ADIPOR2: variants seen among roughly 807,000 people sequenced by gnomAD.
ADIPOR2 encodes the protein adiponectin receptor 2, also known as adiponectin receptor protein 2.
ADIPOR2 carries 18 observed loss-of-function variants against 40.9 expected under a neutral mutation model. The ratio of observed to expected loss-of-function variants is 0.44; its 90% CI spans 0.30 to 0.65. The LOEUF is 0.65. Among genes scored for constraint, ADIPOR2 ranks in the 30% least tolerant of loss-of-function variants. ADIPOR2 has a pLI of 0.09. For missense variants in ADIPOR2, 283 were observed against 479.2 expected (o/e 0.59, Z 3.82); for synonymous variants, 165 against 166.4 (o/e 0.99, Z 0.06).
chr12:1,715,042 T>C (rs1297292675), intron 1 of ADIPOR2, among the ~76,000 whole-genome samples: 1 of 151,894 alleles, frequency 6.6e-6, no homozygotes, highest in East Asian at 1.9e-4. Flanking sequence ...GTTTTTGTGG[T>C]CCTTTGGAGA....
At chr12:1,692,276 C>A (rs2094628742) in intron 1 of ADIPOR2, among the ~76,000 whole-genome samples, 1 of 152,094 alleles carries the variant, frequency 6.6e-6, no homozygotes, top group Non-Finnish European at 1.5e-5. Flanking sequence ...CTTGTCAGTT[C>A]TGAAAGTTTG....
chr12:1,733,963 ATTCCATGGTG>A (rs761776889), intron 1 of ADIPOR2, among the ~76,000 whole-genome samples: 6 of 152,214 alleles, frequency 3.9e-5, no homozygotes, highest in South Asian at 2.1e-4. Flanking sequence ...GCTGCATAGT[ATTCCATGGTG>A]TATATGTGCC....
chr12:1,713,372 G>A (rs1336058067), intron 1 of ADIPOR2, among the ~76,000 whole-genome samples: 4 of 152,084 alleles, frequency 2.6e-5, no homozygotes, highest in Admixed American at 2.6e-4. Context: ...CTAGAATTGG[G>A]GTGTTGCAGG....
At chr12:1,697,343 CTT>C (rs1471357684) in intron 1 of ADIPOR2, 1 of 152,350 alleles carries the variant, frequency 6.6e-6, no homozygotes, top group African/African-American at 2.4e-5. Flanking sequence ...TTGTAGGTCT[CTT>C]GTCACTTTAT....
intron 1 of ADIPOR2, among the ~76,000 whole-genome samples, chr12:1,730,276 G>A (rs935324594): frequency 2.0e-5 from 3 of 150,502 alleles, no homozygotes; most frequent in Admixed American, 6.6e-5. Context: ...ATTGGTAAGC[G>A]TTTTTTTCTC....
chr12:1,741,508 T>G (rs368590048), intron 1 of ADIPOR2, among the ~76,000 whole-genome samples: 4 of 152,188 alleles, frequency 2.6e-5, no homozygotes, highest in East Asian at 3.8e-4. Context: ...AGTGAACCTA[T>G]AGTGTTAGCA....
chr12:1,778,873 T>C (rs1173294342), intron 4 of ADIPOR2, among the ~76,000 whole-genome samples: 1 of 152,198 alleles, frequency 6.6e-6, no homozygotes, highest in East Asian at 1.9e-4. Flanking sequence ...TGAATAGATG[T>C]TCTTCCAGAG....
Position 1,787,576 on chromosome 12 carries a change from G to T in ADIPOR2, c.*1504G>T, listed in dbSNP as rs1455755902. 6.6e-6 allele frequency: 1 copy of T among 152,190 alleles called. No individual in the cohort carries two copies. Among genetic ancestry groups the T allele is most frequent in the Non-Finnish European group, 1.5e-5 (1 of 68,050 alleles). The allele number at this position is 152,190 out of a possible 1,614,324, so 9.4% of individuals were successfully genotyped here. A position where few individuals can be genotyped will look rare whatever the true frequency, so the allele number is the denominator to read the frequency against. ...GAAAGGATCTGGTTCATGGAATTCT[G>T]ATCTTGGCCCATAGGTGAACCACCA... On this transcript the variant is annotated 3_prime_UTR_variant, in exon 8 of 8. Transcript: ENST00000357103.
intron 2 of ADIPOR2, among the ~76,000 whole-genome samples, chr12:1,767,269 CAAAAAAA>C (rs61401998): frequency 6.9e-5 from 6 of 87,470 alleles, no homozygotes; most frequent in Non-Finnish European, 9.1e-5. Flanking sequence ...AAGACTTCGT[CAAAAAAA>C]AAAAAAAAAA....
At chr12:1,772,077 A>G (rs1181762925) in intron 2 of ADIPOR2, among the ~76,000 whole-genome samples, 1 of 152,240 alleles carries the variant, frequency 6.6e-6, no homozygotes, top group Non-Finnish European at 1.5e-5. Context: ...ATATCATTTT[A>G]TCTAAACCAG....
intron 3 of ADIPOR2, among the ~76,000 whole-genome samples, chr12:1,776,614 T>C (rs1431801171): frequency 6.6e-6 from 1 of 152,156 alleles, no homozygotes; most frequent in African/African-American, 2.4e-5. Flanking sequence ...GTGCAGAGGT[T>C]GACAGACTTC....
intron 2 of ADIPOR2, among the ~76,000 whole-genome samples, chr12:1,762,025 C>T (rs1862281059): frequency 1.3e-5 from 2 of 152,220 alleles, no homozygotes. Flanking sequence ...ACATTCTTCT[C>T]CATGTTCATT....
chr12:1,720,499 C>G (rs142183464), intron 1 of ADIPOR2, among the ~76,000 whole-genome samples: 1 of 152,194 alleles, frequency 6.6e-6, no homozygotes, highest in African/African-American at 2.4e-5. Context: ...TCTTTCACAG[C>G]TAGACTGTCC....
rs79273459 is a variant in ADIPOR2 at position 1,709,911 on chromosome 12, T to C, written c.-87+18720T>C. Among the ~76,000 whole-genome samples, 151 of 152,326 alleles carry C rather than the reference T, an allele frequency of 9.9e-4. 1 individual carries two copies. In the East Asian group the frequency reaches 0.027, roughly 27 times the overall value. On this transcript the variant is annotated intron_variant, in intron 1 of 7. Coordinates refer to ENST00000357103, the MANE Select transcript of ADIPOR2 (RefSeq NM_024551.3). ...TTTACCATTTCCTAGCCAAACCTGA[T>C]TTGTTGGCCCAGTACAACTCTCTTC...
intron 3 of ADIPOR2, among the ~76,000 whole-genome samples, chr12:1,775,179 T>C (rs1860049): frequency 0.97 from 148,367 of 152,346 alleles, 72,370 homozygotes; most frequent in East Asian, 1. Context: ...GTCTAATATA[T>C]CCACATACCC....
At chr12:1,723,463 GA>G (rs58233234) in intron 1 of ADIPOR2, among the ~76,000 whole-genome samples, 14,793 of 105,682 alleles carry the variant, frequency 0.14, 951 homozygotes, top group East Asian at 0.33. Context: ...CGTCTCTACT[GA>G]AAAAAAAAAA....
At chr12:1,750,422 C>T (rs2094766651) in intron 1 of ADIPOR2, among the ~76,000 whole-genome samples, 1 of 149,892 alleles carries the variant, frequency 6.7e-6, no homozygotes, top group Admixed American at 6.7e-5. Flanking sequence ...AAAAAAAAGG[C>T]CAGGTATGGT....
intron 2 of ADIPOR2, among the ~76,000 whole-genome samples, chr12:1,763,320 G>A (rs2154443844): frequency 6.6e-6 from 1 of 152,336 alleles, no homozygotes; most frequent in Admixed American, 6.5e-5. Flanking sequence ...TTCCAGACCG[G>A]TAGGAATTAC....
At chr12:1,774,425 C>T (rs929142162) in intron 3 of ADIPOR2, among the ~76,000 whole-genome samples, 4 of 152,220 alleles carry the variant, frequency 2.6e-5, no homozygotes, top group Non-Finnish European at 5.9e-5. Context: ...AAGAGGCATC[C>T]TGTTACACAG....
Sources: allele counts gnomAD v4.1 joint callset (sites outside exome capture counted in the v4.1 genomes callset), GRCh38; gene constraint gnomAD v4.1.1; transcripts MANE v1.5; gene names NCBI Gene and HGNC (gene_info 2026-07-23, HGNC 2026-07-21).